The following MMD2 variants were observed in gnomAD, a reference collection of about 807,000 sequenced individuals.
The protein encoded by MMD2 is monocyte to macrophage differentiation associated 2.
Under a neutral mutation model 33.5 loss-of-function variants are expected in MMD2, and 30 were observed. The observed-to-expected ratio is 0.90, with a 90% CI of 0.67 to 1.22. MMD2 has a LOEUF of 1.22. Ranked by LOEUF, MMD2 falls within the 50% of genes most tolerant of loss-of-function variation. MMD2 has a pLI of 0.00. For synonymous variants in MMD2, 129 were observed against 123.0 expected (o/e 1.05, Z -0.32); for missense variants, 364 against 325.4 (o/e 1.12, Z -0.91).
At chr7:4,893,196 C>T in the MMD2 span, among the ~76,000 whole-genome samples, 9 of 151,712 alleles carry the variant, frequency 5.9e-5, no homozygotes, top group East Asian at 5.8e-4. Context: ...CAGAAAGGTC[C>T]GATCCAGACC....
intron 1 of MMD2, among the ~76,000 whole-genome samples, chr7:4,931,925 C>T (rs976046492): frequency 2.0e-5 from 3 of 152,114 alleles, no homozygotes; most frequent in Non-Finnish European, 2.9e-5. Flanking sequence ...GGCCAATTTA[C>T]GCTTCCCACC....
At chr7:4,926,890 G>T (rs955570457) in intron 1 of MMD2, among the ~76,000 whole-genome samples, 3 of 151,878 alleles carry the variant, frequency 2.0e-5, no homozygotes, top group African/African-American at 4.8e-5. Flanking sequence ...GACTACAGGC[G>T]CCCGCCATCA....
At chr7:4,945,217 T>TCTTCTTCTTCTC (rs1786037020) in intron 1 of MMD2, among the ~76,000 whole-genome samples, 1 of 145,368 alleles carries the variant, frequency 6.9e-6, no homozygotes, top group African/African-American at 2.6e-5. Flanking sequence ...TTCTTCTTCT[T>TCTTCTTCTTCTC]CTTCTTCTTC....
At chr7:4,918,739 C>T (rs1469385155) in intron 3 of MMD2, among the ~76,000 whole-genome samples, 5 of 151,926 alleles carry the variant, frequency 3.3e-5, no homozygotes, top group African/African-American at 7.3e-5. Context: ...CCTCCTACCT[C>T]GGCCACCCAA....
At chr7:4,934,654 T>G (rs1250444949) in intron 1 of MMD2, among the ~76,000 whole-genome samples, 1 of 152,108 alleles carries the variant, frequency 6.6e-6, no homozygotes, top group Non-Finnish European at 1.5e-5. Context: ...GGTGGAGGAC[T>G]CCCAAACTGA....
the MMD2 span, among the ~76,000 whole-genome samples, chr7:4,899,772 C>T: frequency 6.6e-6 from 1 of 152,098 alleles, no homozygotes; most frequent in Non-Finnish European, 1.5e-5. Context: ...AAACAGAAGA[C>T]GGCTGACCTC....
Position 4,922,744 on chromosome 7 carries a change from G to A in MMD2, c.130-2413C>T, listed in dbSNP as rs1583370691. Among the ~76,000 whole-genome samples the A allele has an allele frequency of 2.0e-5, 3 of 152,024 alleles. No individual in the cohort carries two copies. In the East Asian group the frequency reaches 5.8e-4, roughly 30 times the overall value. On this transcript the variant is annotated intron_variant, in intron 2 of 6. Coordinates refer to ENST00000401401, the MANE Select transcript of MMD2 (RefSeq NM_198403.4). ...CACATGCCACTGCGCCTGGCTCCTA[G>A]TTTGTGCTATTTTGCGATCACCTAC...
intron 1 of MMD2, among the ~76,000 whole-genome samples, chr7:4,933,626 T>C (rs1785655070): frequency 6.6e-6 from 1 of 150,962 alleles, no homozygotes; most frequent in Non-Finnish European, 1.5e-5. Context: ...CATTCTCCAG[T>C]TGAGGGATAA....
the MMD2 span, among the ~76,000 whole-genome samples, chr7:4,894,756 C>T: frequency 6.6e-6 from 1 of 152,272 alleles, no homozygotes; most frequent in South Asian, 2.1e-4. This position sits in a 1 kb window ranked among gnomAD's most constrained non-coding sequence, Gnocchi z 4.3. Context: ...CTGGTGGGAG[C>T]AGGCTCTGTG....
Position 4,950,614 on chromosome 7 carries a change from G to T in MMD2, c.47+8357C>A, listed in dbSNP as rs935183822. On this transcript the variant is annotated intron_variant, in intron 1 of 6. Transcript: ENST00000401401. ...AATCATACAGTATTTGTCCCCTTGG[G>T]GCTGATTTCATTTAGCATAATGAAT... 2.0e-5 allele frequency among the ~76,000 whole-genome samples: 3 copies of T among 152,098 alleles called. No individual in the cohort carries two copies. In the East Asian group the frequency reaches 5.8e-4, roughly 29 times the overall value.
the MMD2 span, among the ~76,000 whole-genome samples, chr7:4,895,180 G>A: frequency 4.6e-5 from 7 of 151,248 alleles, no homozygotes; most frequent in Middle Eastern, 3.4e-3. Context: ...AGGTTCAGAC[G>A]ATTCTCTTGC....
intron 4 of MMD2, among the ~76,000 whole-genome samples, chr7:4,912,892 T>C (rs1785051670): frequency 6.6e-6 from 1 of 151,896 alleles, no homozygotes; most frequent in Non-Finnish European, 1.5e-5. Context: ...GTAGTAGAGA[T>C]GGGGTTTCAC....
intron 4 of MMD2, among the ~76,000 whole-genome samples, chr7:4,913,897 A>G (rs896259121): frequency 2.6e-5 from 4 of 151,914 alleles, no homozygotes; most frequent in African/African-American, 4.8e-5. Flanking sequence ...TCCTGACCTC[A>G]TGATCTGCCC....
At chr7:4,905,516 GGAA>G (rs1044637127), downstream of MMD2, among the ~76,000 whole-genome samples, 63 of 152,000 alleles carry the variant, frequency 4.1e-4, no homozygotes, top group African/African-American at 1.4e-3. The surrounding 1 kb of genome is among the most constrained non-coding windows in gnomAD (Gnocchi z 5.0). Flanking sequence ...AAGGAAGCAA[GGAA>G]GAAGGAGTAG....
At chr7:4,893,607 C>T in the MMD2 span, among the ~76,000 whole-genome samples, 1 of 151,786 alleles carries the variant, frequency 6.6e-6, no homozygotes, top group African/African-American at 2.4e-5. Flanking sequence ...GGTCAGGCTG[C>T]TCTTGAACTC....
At chr7:4,925,880 C>T (rs527617196) in intron 1 of MMD2, among the ~76,000 whole-genome samples, 18 of 152,270 alleles carry the variant, frequency 1.2e-4, no homozygotes, top group African/African-American at 4.1e-4. Flanking sequence ...GTGGTGTGAT[C>T]TCAGCTCACT....
At position 4,906,214 on chromosome 7, in the gene MMD2, A is replaced by C. The variant is rs147851000; in HGVS notation, c.*1182T>G. 3 of 341,068 alleles carry C rather than the reference A, an allele frequency of 8.8e-6. No homozygotes were observed. The highest frequency in any genetic ancestry group is 1.6e-5 in the Non-Finnish European group (3 of 189,484). 21.1% of individuals were successfully genotyped at this position (341,068 alleles called of 1,614,324 possible). ...TTCAGATCCTGGAGCTGGGCCTGCT[A>C]CTCACCTCCCCAGTAAATGTCCAGG... On this transcript the variant is annotated 3_prime_UTR_variant, in exon 7 of 7. Coordinates refer to ENST00000401401, the MANE Select transcript of MMD2 (RefSeq NM_198403.4).
downstream of MMD2, among the ~76,000 whole-genome samples, chr7:4,904,204 A>G (rs1044875791): frequency 2.0e-5 from 3 of 152,174 alleles, no homozygotes; most frequent in African/African-American, 7.2e-5. Flanking sequence ...AAGTGCTGGA[A>G]TTACAGGCAT....
intron 2 of MMD2, among the ~76,000 whole-genome samples, chr7:4,922,764 A>C (rs1785320825): frequency 6.6e-6 from 1 of 151,986 alleles, no homozygotes; most frequent in African/African-American, 2.4e-5. Flanking sequence ...TTTTGCGATC[A>C]CCTACCATGC....
Sources: gnomAD v4.1 joint callset for allele counts (sites outside exome capture counted in the v4.1 genomes callset) on GRCh38, gnomAD v4.1.1 for gene constraint, Gnocchi (gnomAD v3.1) non-coding constraint, MANE v1.5 for transcripts, NCBI Gene and HGNC (gene_info 2026-07-23, HGNC 2026-07-21) for gene names.